HIP1: variants seen among roughly 807,000 people sequenced by gnomAD.
The protein encoded by HIP1 is huntingtin-interacting protein 1.
A neutral mutation model predicts 147.6 loss-of-function variants in HIP1; 65 were observed. The observed-to-expected ratio is 0.44, with a 90% CI of 0.36 to 0.54. HIP1 has a LOEUF of 0.54. Among genes scored for constraint, HIP1 ranks in the 20% least tolerant of loss-of-function variants. HIP1 has a pLI of 0.00. For synonymous variants in HIP1, 479 were observed against 504.0 expected (o/e 0.95, Z 0.67); for missense variants, 1,061 against 1,299.6 (o/e 0.82, Z 2.82).
chr7:75,688,580 C>A (rs544706387), intron 1 of HIP1, among the ~76,000 whole-genome samples: 1 of 152,070 alleles, frequency 6.6e-6, no homozygotes, highest in African/African-American at 2.4e-5. Flanking sequence ...TCAGGCCCCC[C>A]ACGCACACCC....
chr7:75,606,961 G>T (rs1239398050), intron 1 of HIP1, among the ~76,000 whole-genome samples: 2 of 152,054 alleles, frequency 1.3e-5, no homozygotes, highest in East Asian at 3.9e-4. Context: ...TGGGTGGGGT[G>T]GCTCATGTCT....
At chr7:75,647,291 G>A (rs560163625) in intron 1 of HIP1, among the ~76,000 whole-genome samples, 18 of 148,406 alleles carry the variant, frequency 1.2e-4, no homozygotes, top group South Asian at 2.2e-4. Flanking sequence ...CCAGCTACAC[G>A]GGAGACTGAG....
At chr7:75,667,274 C>A (rs566147964) in intron 1 of HIP1, among the ~76,000 whole-genome samples, 4 of 152,088 alleles carry the variant, frequency 2.6e-5, no homozygotes, top group Non-Finnish European at 5.9e-5. Flanking sequence ...TTACTTGATT[C>A]ATGGAGTGAT....
rs587669371 is a variant in HIP1 at position 75,554,256 on chromosome 7, G to A, written c.2051-36C>T. 5.7e-4 allele frequency: 879 copies of A among 1,555,372 alleles called. 8 individuals are homozygous for A. The South Asian group carries it at 9.4e-3, about 17-fold the overall frequency. ...TGGAAAGAGAAGTTTCTCAGGTCTGGTTGATGGTGACACTTTCATACCCTC... is the reference window on the plus strand; with the variant it reads ...TGGAAAGAGAAGTTTCTCAGGTCTGATTGATGGTGACACTTTCATACCCTC... On this transcript the variant is annotated intron_variant, in intron 20 of 30. Transcript: ENST00000336926.
chr7:75,572,839 C>G (rs1188327973), intron 8 of HIP1, among the ~76,000 whole-genome samples: 1 of 152,170 alleles, frequency 6.6e-6, no homozygotes, highest in African/African-American at 2.4e-5. Flanking sequence ...TGCCCCGCAC[C>G]CGCCCCCAGC....
intron 1 of HIP1, among the ~76,000 whole-genome samples, chr7:75,638,005 TACACACACACACACACAC>T: frequency 2.3e-5 from 1 of 44,014 alleles, no homozygotes; most frequent in Non-Finnish European, 3.9e-5. Context: ...CACACACACA[TACACACACACACACACAC>T]ACACACACAC....
intron 8 of HIP1, among the ~76,000 whole-genome samples, chr7:75,572,516 G>C (rs1297598779): frequency 6.6e-6 from 1 of 152,212 alleles, no homozygotes; most frequent in African/African-American, 2.4e-5. Flanking sequence ...ATGGTGACGT[G>C]CTCAAGCTAG....
At chr7:75,622,778 G>A (rs1241610604) in intron 1 of HIP1, among the ~76,000 whole-genome samples, 1 of 151,836 alleles carries the variant, frequency 6.6e-6, no homozygotes, top group Non-Finnish European at 1.5e-5. Flanking sequence ...AGGAGTTGGA[G>A]GCTGTAGTGA....
At chr7:75,578,825 A>AT (rs1173392000) in intron 7 of HIP1, among the ~76,000 whole-genome samples, 91 of 148,656 alleles carry the variant, frequency 6.1e-4, no homozygotes, top group African/African-American at 6.4e-4. Flanking sequence ...TTTCCAAAGC[A>AT]TTTTTTTTTT....
intron 1 of HIP1, among the ~76,000 whole-genome samples, chr7:75,687,194 G>T (rs950767150): frequency 6.6e-6 from 1 of 152,042 alleles, no homozygotes; most frequent in Non-Finnish European, 1.5e-5. Flanking sequence ...CCACTCTGAG[G>T]CTGTTACCGA....
chr7:75,666,940 T>G (rs894776259), intron 1 of HIP1, among the ~76,000 whole-genome samples: 4 of 152,090 alleles, frequency 2.6e-5, no homozygotes, highest in African/African-American at 9.7e-5. Context: ...CACGAAACCA[T>G]TTATATAGTA....
chr7:75,557,263 T>C (rs970755549), intron 16 of HIP1, among the ~76,000 whole-genome samples: 7 of 151,632 alleles, frequency 4.6e-5, no homozygotes, highest in African/African-American at 1.7e-4. Flanking sequence ...GGTCTCGAAC[T>C]CCTGACTTGG....
intron 19 of HIP1, among the ~76,000 whole-genome samples, 164 bp from the exon 20 acceptor site, chr7:75,554,690 T>G (rs895254443): frequency 2.0e-5 from 3 of 152,138 alleles, no homozygotes; most frequent in Admixed American, 6.6e-5. Context: ...GTTTTTTCCT[T>G]AGAGAAACAG....
chr7:75,675,875 G>A (rs2117257077), intron 1 of HIP1, among the ~76,000 whole-genome samples: 1 of 151,964 alleles, frequency 6.6e-6, no homozygotes, highest in East Asian at 1.9e-4. Flanking sequence ...TAGCTACTTG[G>A]GAGACTAAGG....
chr7:75,581,168 G>A, intron 7 of HIP1, 69 bp downstream of exon 7: 1 of 1,192,324 alleles, frequency 8.4e-7, no homozygotes, highest in South Asian at 1.3e-5. Context: ...ACACTTTGCA[G>A]GGAGAGGAGG....
At chr7:75,675,556 T>G (rs1799862037) in intron 1 of HIP1, among the ~76,000 whole-genome samples, 2 of 152,130 alleles carry the variant, frequency 1.3e-5, no homozygotes, top group African/African-American at 4.8e-5. Context: ...CATTTTCTTT[T>G]TTGTTCCTTT....
intron 1 of HIP1, among the ~76,000 whole-genome samples, chr7:75,687,738 T>C (rs2077850858): frequency 6.6e-6 from 1 of 152,152 alleles, no homozygotes; most frequent in African/African-American, 2.4e-5. Context: ...ATCTGGCTCT[T>C]GCCAGTCTCT....
At chr7:75,683,535 C>G in intron 1 of HIP1, among the ~76,000 whole-genome samples, 1 of 152,104 alleles carries the variant, frequency 6.6e-6, no homozygotes, top group African/African-American at 2.4e-5. Flanking sequence ...GCTGGAGGGG[C>G]AGGAGGAAGC....
intron 2 of HIP1, among the ~76,000 whole-genome samples, chr7:75,597,086 C>T (rs1796775333): frequency 6.6e-6 from 1 of 152,152 alleles, no homozygotes; most frequent in South Asian, 2.1e-4. Flanking sequence ...AAACGTGATG[C>T]AGGAAACCAA....
Sources: allele counts gnomAD v4.1 joint callset (sites outside exome capture counted in the v4.1 genomes callset), GRCh38; gene constraint gnomAD v4.1.1; transcripts MANE v1.5; gene names NCBI Gene and HGNC (gene_info 2026-07-23, HGNC 2026-07-21).